Variants in KCNIP1 observed in about 807,000 individuals in gnomAD.
KCNIP1 encodes A-type potassium channel modulatory protein KCNIP1.
Under a neutral mutation model 33.0 loss-of-function variants are expected in KCNIP1, and 18 were observed. The ratio of observed to expected loss-of-function variants is 0.55; its 90% CI spans 0.38 to 0.81. The LOEUF (loss-of-function observed/expected upper bound fraction) is 0.81, where lower values mean the gene tolerates loss of function less well. KCNIP1 is among the 30% of genes least tolerant of loss of function. KCNIP1 has a pLI of 0.00. For missense variants in KCNIP1, 238 were observed against 271.6 expected (o/e 0.88, Z 0.87); for synonymous variants, 93 against 98.3 (o/e 0.95, Z 0.32).
intron 1 of KCNIP1, among the ~76,000 whole-genome samples, chr5:170,414,341 C>T (rs914018539): frequency 5.3e-5 from 8 of 152,238 alleles, no homozygotes; most frequent in African/African-American, 1.9e-4. Context: ...TTTCTCTGCA[C>T]ATCGTGAACT....
At chr5:170,622,580 C>T (rs1297628795) in intron 1 of KCNIP1, among the ~76,000 whole-genome samples, 3 of 150,564 alleles carry the variant, frequency 2.0e-5, no homozygotes, top group Admixed American at 6.6e-5. Context: ...CGAGATCGCG[C>T]CACTGCACTC....
At chr5:170,553,749 G>A (rs990792345) in intron 1 of KCNIP1, among the ~76,000 whole-genome samples, 1 of 152,238 alleles carries the variant, frequency 6.6e-6, no homozygotes, top group East Asian at 1.9e-4. Context: ...CTGGGGTGAA[G>A]AGGTGAACCT....
chr5:170,691,032 A>T (rs570541739), intron 1 of KCNIP1, among the ~76,000 whole-genome samples: 4 of 152,350 alleles, frequency 2.6e-5, no homozygotes, highest in East Asian at 3.9e-4. Flanking sequence ...CACTTTATTG[A>T]TGTAGGAAGA....
intron 1 of KCNIP1, among the ~76,000 whole-genome samples, chr5:170,684,017 A>T (rs1486620523): frequency 6.6e-6 from 1 of 152,004 alleles, no homozygotes; most frequent in African/African-American, 2.4e-5. Context: ...GAGGCCTCCC[A>T]AAGTGCTGGG....
intron 1 of KCNIP1, among the ~76,000 whole-genome samples, chr5:170,699,451 A>T (rs969945917): frequency 6.7e-6 from 1 of 148,644 alleles, no homozygotes; most frequent in South Asian, 2.1e-4. Context: ...TAATTATCAC[A>T]CCTCCTTTGC....
intron 1 of KCNIP1, chr5:170,385,293 C>T: frequency 6.2e-7 from 1 of 1,613,636 alleles, no homozygotes; most frequent in Middle Eastern, 1.7e-4. Context: ...GGGGGGTGGG[C>T]AGGCCGGGAG....
intron 1 of KCNIP1, among the ~76,000 whole-genome samples, chr5:170,692,963 T>C (rs142770672): frequency 6.6e-5 from 10 of 152,342 alleles, no homozygotes; most frequent in Admixed American, 6.5e-4. Flanking sequence ...TAGCATAGGT[T>C]TGAGATGACT....
At chr5:170,569,551 G>C (rs1285628404) in intron 1 of KCNIP1, among the ~76,000 whole-genome samples, 1 of 152,186 alleles carries the variant, frequency 6.6e-6, no homozygotes, top group Non-Finnish European at 1.5e-5. Context: ...TCATAGGATT[G>C]GTGGACAAAG....
chr5:170,484,455 C>T (rs1176542015), intron 1 of KCNIP1, among the ~76,000 whole-genome samples: 7 of 152,148 alleles, frequency 4.6e-5, no homozygotes, highest in East Asian at 3.9e-4. Flanking sequence ...CTCCATCGCA[C>T]GTTGGGGAAG....
chr5:170,678,019 G>C (rs1225839179), intron 1 of KCNIP1, among the ~76,000 whole-genome samples: 1 of 152,200 alleles, frequency 6.6e-6, no homozygotes, highest in East Asian at 1.9e-4. Context: ...AGAGCAATTT[G>C]TGAAATAGAT....
chr5:170,593,751 TCAGTCACTCTCTCCCTGAGTGGAGGGAG>T (rs1204579645), intron 1 of KCNIP1, among the ~76,000 whole-genome samples: 4 of 152,158 alleles, frequency 2.6e-5, no homozygotes, highest in Non-Finnish European at 5.9e-5. Context: ...CCCTGTGTTC[TCAGTCACTCTCTCCCTGAGTGGAGGGAG>T]CCGGAGGGGT....
At chr5:170,501,675 G>A (rs966331774), upstream of KCNIP1, among the ~76,000 whole-genome samples, 1 of 152,308 alleles carries the variant, frequency 6.6e-6, no homozygotes, top group East Asian at 1.9e-4. Context: ...GGTCATTCAG[G>A]TACCATGAAA....
At chr5:170,689,561 A>G (rs1465672288) in intron 1 of KCNIP1, among the ~76,000 whole-genome samples, 1 of 152,222 alleles carries the variant, frequency 6.6e-6, no homozygotes, top group Non-Finnish European at 1.5e-5. Context: ...AGAAACCAGG[A>G]CTACATCTGC....
At chr5:170,379,089 G>A (rs531003493) in intron 1 of KCNIP1, 340 of 1,273,436 alleles carry the variant, frequency 2.7e-4, no homozygotes, top group Non-Finnish European at 3.2e-4. Flanking sequence ...GATTGGAGTC[G>A]GGGCTTTGGT....
intron 1 of KCNIP1, among the ~76,000 whole-genome samples, chr5:170,675,570 G>A (rs569350944): frequency 2.4e-4 from 36 of 152,062 alleles, no homozygotes; most frequent in Non-Finnish European, 3.1e-4. Flanking sequence ...GCAGTGAGCC[G>A]AGATTGTGCC....
chr5:170,720,253 G>A, intron 2 of KCNIP1, 68 bp from the exon 3 acceptor site: 1 of 1,133,900 alleles, frequency 8.8e-7, no homozygotes, highest in Non-Finnish European at 1.3e-6. Flanking sequence ...AGACACCAAG[G>A]CTGGGCCCAG....
At chr5:170,607,865 A>G (rs1371336061) in intron 1 of KCNIP1, among the ~76,000 whole-genome samples, 1 of 152,186 alleles carries the variant, frequency 6.6e-6, no homozygotes, top group Non-Finnish European at 1.5e-5. Flanking sequence ...GTGACGAGAA[A>G]GTTTTCCCTC....
chr5:170,594,983 C>T (rs999473938), intron 1 of KCNIP1, among the ~76,000 whole-genome samples: 12 of 152,128 alleles, frequency 7.9e-5, no homozygotes, highest in Non-Finnish European at 1.5e-4. Flanking sequence ...GCCACATGAG[C>T]GGCTAGGTGG....
At chr5:170,552,184 G>A (rs72832748) in intron 1 of KCNIP1, among the ~76,000 whole-genome samples, 3,593 of 152,264 alleles carry the variant, frequency 0.024, 77 homozygotes, top group Middle Eastern at 0.054. Flanking sequence ...TGGGCCCTGG[G>A]AGGACCAGGC....
Sources: gnomAD v4.1 joint callset for allele counts (sites outside exome capture counted in the v4.1 genomes callset) on GRCh38, gnomAD v4.1.1 for gene constraint, MANE v1.5 for transcripts, NCBI Gene and HGNC (gene_info 2026-07-23, HGNC 2026-07-21) for gene names.